EMC10: variants seen among roughly 807,000 people sequenced by gnomAD.
EMC10 encodes UPF0510 protein INM02.
Under a neutral mutation model 32.2 loss-of-function variants are expected in EMC10, and 40 were observed. The observed-to-expected ratio is 1.24, with a 90% CI of 0.96 to 1.61. EMC10 has a LOEUF of 1.61. Among genes scored for constraint, EMC10 ranks in the 40% most tolerant of loss-of-function variants. The pLI, the probability that EMC10 is intolerant of heterozygous loss-of-function variation, is 0.00. For missense variants in EMC10, 402 were observed against 357.7 expected (o/e 1.12, Z -1.00); for synonymous variants, 178 against 158.4 (o/e 1.12, Z -0.93).
At position 50,480,801 on chromosome 19, in the gene EMC10, C is replaced by A; in HGVS notation, c.584+39C>A. On this transcript the variant is annotated intron_variant, in intron 5 of 6. Coordinates refer to ENST00000334976, the MANE Select transcript of EMC10 (RefSeq NM_206538.4). The surrounding 1 kb of genome is among the most constrained non-coding windows in gnomAD (Gnocchi z 4.4). Reference sequence around the variant, plus strand: ...GCCTTCGCGGCGCTCTTGCCACCTGCCCCGGCCCTTCCTGGCGGCCTCAGG... The same window carrying A: ...GCCTTCGCGGCGCTCTTGCCACCTGACCCGGCCCTTCCTGGCGGCCTCAGG... 1.3e-6 allele frequency: 2 copies of A among 1,567,082 alleles called. No homozygotes were observed. The highest frequency in any genetic ancestry group is 1.7e-6 in the Non-Finnish European group (2 of 1,154,070).
At position 50,485,262 on chromosome 19, in the gene EMC10, C is replaced by T. The variant is rs1352932389; in HGVS notation, c.*3003C>T. ...TGGTGCATGCTTCCCCCTTGCTACT[C>T]CAGGTGTCTGCCCCATCCCTTCACC... On this transcript the variant is annotated 3_prime_UTR_variant, in exon 7 of 7. Coordinates refer to ENST00000334976, the MANE Select transcript of EMC10 (RefSeq NM_206538.4). The T allele has an allele frequency of 6.6e-6, 1 of 152,192 alleles. No individual in the cohort carries two copies. The highest frequency in any genetic ancestry group is 1.5e-5 in the Non-Finnish European group (1 of 68,096). The allele number at this position is 152,192 out of a possible 1,614,324, so 9.4% of individuals were successfully genotyped here. A position where few individuals can be genotyped will look rare whatever the true frequency, so the allele number is the denominator to read the frequency against.
Position 50,482,373 on chromosome 19 carries a change from C to T in EMC10, c.*114C>T, listed in dbSNP as rs983869981. ...GGTTTGCTGGTCCCTCCTTTCCCCC[C>T]GTCCCACGAGGCCACCTGGGCCAGC... On this transcript the variant is annotated 3_prime_UTR_variant, in exon 7 of 7. Transcript: ENST00000334976. 20 of 618,200 alleles carry T rather than the reference C, an allele frequency of 3.2e-5. No homozygotes were observed. Among genetic ancestry groups the T allele is most frequent in the African/African-American group, 9.2e-5 (5 of 54,136 alleles). The allele number at this position is 618,200 out of a possible 1,614,324, so 38.3% of individuals were successfully genotyped here.
chr19:50,483,276 C>T lies in EMC10; in HGVS notation c.*1017C>T, dbSNP rs1355645853. On this transcript the variant is annotated 3_prime_UTR_variant, in exon 7 of 7. Transcript: ENST00000334976. ...TCAGAAACCCAAGGAATGGCTGTCC[C>T]CATCCTCATGTGGCTGTGTGGAGCT... 1.0e-5 allele frequency: 4 copies of T among 382,394 alleles called. No individual in the cohort carries two copies. The highest frequency in any genetic ancestry group is 2.1e-5 in the Non-Finnish European group (4 of 186,826). 23.7% of individuals were successfully genotyped at this position (382,394 alleles called of 1,614,324 possible). A position where few individuals can be genotyped will look rare whatever the true frequency, so the allele number is the denominator to read the frequency against.
intron 6 of EMC10, 171 bp downstream of exon 6, chr19:50,481,148 T>C: frequency 1.7e-6 from 1 of 598,456 alleles, no homozygotes; most frequent in East Asian, 2.9e-5. Flanking sequence ...AGGAAGAGGG[T>C]ATGGAAGTGT....
chr19:50,482,334 G>T lies in EMC10; in HGVS notation c.*75G>T. On this transcript the variant is annotated 3_prime_UTR_variant, in exon 7 of 7. Coordinates refer to ENST00000334976, the MANE Select transcript of EMC10 (RefSeq NM_206538.4). ...TCTGCTGGAGTCCCCTGTGTCCTCA[G>T]CCATCCCAAGAAGGGTTTGCTGGTC... The T allele has an allele frequency of 1.5e-6, 1 of 685,144 alleles. No individual in the cohort carries two copies. 42.4% of individuals were successfully genotyped at this position (685,144 alleles called of 1,614,324 possible). A position where few individuals can be genotyped will look rare whatever the true frequency, so the allele number is the denominator to read the frequency against.
In EMC10 at chr19:50,480,794, C is replaced by A; in HGVS notation, c.584+32C>A. 1 of 1,569,568 alleles carries A rather than the reference C, an allele frequency of 6.4e-7. No homozygotes were observed. The highest frequency in any genetic ancestry group is 8.7e-7 in the Non-Finnish European group (1 of 1,155,690). ...CTCTGCTGCCTTCGCGGCGCTCTTG[C>A]CACCTGCCCCGGCCCTTCCTGGCGG... On this transcript the variant is annotated intron_variant, in intron 5 of 6. Transcript: ENST00000334976. The surrounding 1 kb of genome is among the most constrained non-coding windows in gnomAD (Gnocchi z 4.4).
At position 50,480,363 on chromosome 19, in the gene EMC10, G is replaced by A. The variant is rs2040298297; in HGVS notation, c.402+148G>A. The A allele has an allele frequency of 8.3e-6, 8 of 966,598 alleles. No individual in the cohort carries two copies. In the East Asian group the frequency reaches 2.1e-4, roughly 25 times the overall value. 59.9% of individuals were successfully genotyped at this position (966,598 alleles called of 1,614,324 possible). On this transcript the variant is annotated intron_variant, in intron 4 of 6. Transcript: ENST00000334976. This position sits in a 1 kb window ranked among gnomAD's most constrained non-coding sequence, Gnocchi z 4.4. ...CTGGCCTTGCCTTCCGAGGCCTCCT[G>A]GTCTGGAGGGGTCGGTCCAGGTAGC...
chr19:50,480,984 G>GA lies in EMC10; in HGVS notation c.678+7_678+8insA. On this transcript the variant is annotated splice_region_variant and intron_variant, in intron 6 of 6. Transcript: ENST00000334976. This position sits in a 1 kb window ranked among gnomAD's most constrained non-coding sequence, Gnocchi z 4.4. ...GTCCTTCTTCGCCAAATACGTGAGTGGGGCTCCCCCGCCTCCCCTATTCCC... is the reference window on the plus strand; with the variant it reads ...GTCCTTCTTCGCCAAATACGTGAGTGAGGGCTCCCCCGCCTCCCCTATTCCC... 1 of 1,603,366 alleles carries GA rather than the reference G, an allele frequency of 6.2e-7. No homozygotes were observed. Among genetic ancestry groups the GA allele is most frequent in the Non-Finnish European group, 8.5e-7 (1 of 1,172,808 alleles).
At position 50,477,976 on chromosome 19, in the gene EMC10, G is replaced by C; in HGVS notation, c.162G>C (p.Leu54=). The C allele has an allele frequency of 6.2e-7, 1 of 1,602,770 alleles. No individual in the cohort carries two copies. Among genetic ancestry groups the C allele is most frequent in the Non-Finnish European group, 8.5e-7 (1 of 1,176,530 alleles). ...REGEACGTVG[L]LLEHSFEIDD... The stretch of plus-strand genomic sequence containing the variant: ...GCGAGGCCTGTGGCACGGTGGGGCT[G>C]CTGCTGGAGCACTCATTTGAGATCG... The change falls in exon 2 of 7, where the codon CTG becomes CTC. Residue 54 remains leucine, a synonymous_variant. Transcript: ENST00000334976.
At chr19:50,481,095 G>C in intron 6 of EMC10, 118 bp downstream of exon 6, 2 of 734,864 alleles carry the variant, frequency 2.7e-6, no homozygotes, top group Non-Finnish European at 4.5e-6. Flanking sequence ...CTTGTCCTCC[G>C]GGCCTCCTGT....
At chr19:50,476,706 C>T (rs1427518418) in intron 1 of EMC10, 48 bp downstream of exon 1, 2 of 1,238,268 alleles carry the variant, frequency 1.6e-6, no homozygotes, top group Non-Finnish European at 2.2e-6. Flanking sequence ...ACGGATGTCG[C>T]AGGTCTTGGG....
rs973394833 is a variant in EMC10, at chr19:50,487,936, A to G, written c.*5677A>G. 6.6e-6 allele frequency: 1 copy of G among 152,128 alleles called. No homozygotes were observed. The highest frequency in any genetic ancestry group is 2.4e-5 in the African/African-American group (1 of 41,272). 9.4% of individuals were successfully genotyped at this position (152,128 alleles called of 1,614,324 possible). On this transcript the variant is annotated 3_prime_UTR_variant, in exon 7 of 7. Coordinates refer to ENST00000334976, the MANE Select transcript of EMC10 (RefSeq NM_206538.4). The stretch of plus-strand genomic sequence containing the variant: ...AGATTCAGAGGAGAGAGGAGAGAAA[A>G]GAGGTGGAAATCAAACAGGAGAAAG...
In EMC10 at chr19:50,484,245, C is replaced by T. The variant is rs2040365938; in HGVS notation, c.*1986C>T. On this transcript the variant is annotated 3_prime_UTR_variant, in exon 7 of 7. Coordinates refer to ENST00000334976, the MANE Select transcript of EMC10 (RefSeq NM_206538.4). ...GTTTCACCATGTTGGCCAGGCTAGT[C>T]TTGAACTCCTGACCTCAGGTGATCT... 1 of 151,668 alleles carries T rather than the reference C, an allele frequency of 6.6e-6. No homozygotes were observed. The highest frequency in any genetic ancestry group is 2.4e-5 in the African/African-American group (1 of 41,242). 9.4% of individuals were successfully genotyped at this position (151,668 alleles called of 1,614,324 possible).
In EMC10 at chr19:50,477,945, G is replaced by T; in HGVS notation, c.131G>T (p.Arg44Leu). The part of the protein sequence containing the change: ...TGARGAGAEG[R>L]EGEACGTVGL... The stretch of plus-strand genomic sequence containing the variant: ...CCTCTGCAGGCTGGGGCGGAAGGTC[G>T]AGAGGGCGAGGCCTGTGGCACGGTG... Residue 44 changes from arginine (R) to leucine (L), a missense_variant, in exon 2 of 7, where the codon CGA becomes CTA. Coordinates refer to ENST00000334976, the MANE Select transcript of EMC10 (RefSeq NM_206538.4). 6.3e-7 allele frequency: 1 copy of T among 1,598,402 alleles called. No individual in the cohort carries two copies. The highest frequency in any genetic ancestry group is 8.5e-7 in the Non-Finnish European group (1 of 1,175,288).
intron 3 of EMC10, among the ~76,000 whole-genome samples, chr19:50,479,278 A>C (rs150204127): frequency 2.0e-5 from 3 of 152,338 alleles, no homozygotes; most frequent in Admixed American, 6.5e-5. Flanking sequence ...GGTGTCCTGC[A>C]TCACGGCCTC....
chr19:50,488,970 A>G lies in EMC10; in HGVS notation c.*6711A>G. 7.0e-6 allele frequency: 1 copy of G among 142,974 alleles called. No individual in the cohort carries two copies. 8.9% of individuals were successfully genotyped at this position (142,974 alleles called of 1,614,324 possible). ...AGAAAACGGAACAGAGAGGGGGCAC[A>G]GACAGCGGACTGGACCGAGAGGGAG... On this transcript the variant is annotated 3_prime_UTR_variant, in exon 7 of 7. Coordinates refer to ENST00000334976, the MANE Select transcript of EMC10 (RefSeq NM_206538.4).
Position 50,479,042 on chromosome 19 carries a change from C to T in EMC10, c.273C>T (p.Ser91=), listed in dbSNP as rs554226030. The change falls in exon 3 of 7, where the codon AGC becomes AGT. Residue 91 remains serine, a synonymous_variant. Transcript: ENST00000334976. ...TGTCCCTGTCACAGCGGCAGCTCAGCGAGGAGGAGCGGGGCCGACTCCGGG... is the reference window on the plus strand; with the variant it reads ...TGTCCCTGTCACAGCGGCAGCTCAGTGAGGAGGAGCGGGGCCGACTCCGGG... ...GTLSLSQRQL[S]EEERGRLRDV... 20 of 1,608,030 alleles carry T rather than the reference C, an allele frequency of 1.2e-5. No individual in the cohort carries two copies. The East Asian group carries it at 3.1e-4, about 25-fold the overall frequency.
In EMC10 at chr19:50,482,401, C is replaced by G. The variant is rs959871802; in HGVS notation, c.*142C>G. ...CCCACGAGGCCACCTGGGCCAGCCCCTTGTCCTCTGCCTTCTGCTGGCAGA... is the reference window on the plus strand; with the variant it reads ...CCCACGAGGCCACCTGGGCCAGCCCGTTGTCCTCTGCCTTCTGCTGGCAGA... On this transcript the variant is annotated 3_prime_UTR_variant, in exon 7 of 7. Coordinates refer to ENST00000334976, the MANE Select transcript of EMC10 (RefSeq NM_206538.4). 1.7e-6 allele frequency: 1 copy of G among 602,290 alleles called. No individual in the cohort carries two copies. The highest frequency in any genetic ancestry group is 3.0e-6 in the Non-Finnish European group (1 of 337,582). The allele number at this position is 602,290 out of a possible 1,614,324, so 37.3% of individuals were successfully genotyped here.
chr19:50,481,140 G>A lies in EMC10; in HGVS notation c.678+163G>A, dbSNP rs953270665. 53 of 616,230 alleles carry A rather than the reference G, an allele frequency of 8.6e-5. 1 individual carries two copies. In the South Asian group the frequency reaches 1.1e-3, roughly 13 times the overall value. The allele number at this position is 616,230 out of a possible 1,614,324, so 38.2% of individuals were successfully genotyped here. ...TACCTGGGCTGAGGCTTGTTTGCAG[G>A]AAGAGGGTATGGAAGTGTGGTCAGG... On this transcript the variant is annotated intron_variant, in intron 6 of 6. Transcript: ENST00000334976.
Sources: allele counts gnomAD v4.1 joint callset (sites outside exome capture counted in the v4.1 genomes callset), GRCh38; gene constraint gnomAD v4.1.1; non-coding constraint Gnocchi (gnomAD v3.1); transcripts MANE v1.5; gene names NCBI Gene and HGNC (gene_info 2026-07-23, HGNC 2026-07-21).